Variants in GNAL observed in about 807,000 individuals in gnomAD.
GNAL encodes the protein G protein subunit alpha L, also known as guanine nucleotide-binding protein G(olf) subunit alpha.
GNAL carries 18 observed loss-of-function variants against 55.1 expected under a neutral mutation model. The observed-to-expected ratio is 0.33, with a 90% CI of 0.23 to 0.48. GNAL has a LOEUF of 0.48. GNAL is among the 20% of genes least tolerant of loss of function. The pLI is 0.99. For missense variants in GNAL, 412 were observed against 614.1 expected (o/e 0.67, Z 3.48); for synonymous variants, 253 against 237.0 (o/e 1.07, Z -0.62).
intron 1 of GNAL, chr18:11,746,934 C>T (rs962430764): frequency 2.1e-5 from 11 of 536,342 alleles, no homozygotes; most frequent in Admixed American, 1.4e-4. Flanking sequence ...GACATTACAA[C>T]AGTTTGCACT....
At chr18:11,771,387 C>A (rs775771930) in intron 4 of GNAL, among the ~76,000 whole-genome samples, 2 of 151,082 alleles carry the variant, frequency 1.3e-5, no homozygotes, top group South Asian at 2.1e-4. Context: ...TGAAATTAAT[C>A]ATTATCAGTT....
intron 10 of GNAL, among the ~76,000 whole-genome samples, chr18:11,875,451 T>C (rs1425300690): frequency 6.6e-6 from 1 of 152,220 alleles, no homozygotes; most frequent in Admixed American, 6.5e-5. Context: ...TGGGGCCTGG[T>C]GGGAGGTGAC....
chr18:11,793,849 G>T (rs1331095337), intron 4 of GNAL, among the ~76,000 whole-genome samples: 1 of 150,776 alleles, frequency 6.6e-6, no homozygotes, highest in Non-Finnish European at 1.5e-5. Flanking sequence ...GTCAGAGGTT[G>T]CAGTGAGCCG....
chr18:11,841,375 G>A (rs2143733562), intron 5 of GNAL, among the ~76,000 whole-genome samples: 3 of 152,202 alleles, frequency 2.0e-5, no homozygotes, highest in Non-Finnish European at 4.4e-5. Flanking sequence ...GCTAGGGCCG[G>A]GCACGGTGGC....
At chr18:11,701,535 C>T (rs572034026) in intron 1 of GNAL, among the ~76,000 whole-genome samples, 1 of 144,360 alleles carries the variant, frequency 6.9e-6, no homozygotes, top group East Asian at 2.0e-4. Flanking sequence ...CGTTCCACTC[C>T]AGCCTGGGTG....
chr18:11,884,997 G>T lies in GNAL; in HGVS notation c.*3862G>T. 3.8e-6 allele frequency: 5 copies of T among 1,302,120 alleles called. No homozygotes were observed. Among genetic ancestry groups the T allele is most frequent in the Non-Finnish European group, 5.0e-6 (5 of 997,912 alleles). 80.7% of individuals were successfully genotyped at this position (1,302,120 alleles called of 1,614,324 possible). ...TCATCGGTCAGCGAGGAACAAGGAG[G>T]GAAAGGTGTCTTCCTGCCCCTTGAT... On this transcript the variant is annotated 3_prime_UTR_variant, in exon 12 of 12. Coordinates refer to ENST00000334049, the MANE Select transcript of GNAL (RefSeq NM_182978.4).
chr18:11,840,605 T>A (rs1011584340), intron 5 of GNAL, among the ~76,000 whole-genome samples: 2 of 152,174 alleles, frequency 1.3e-5, no homozygotes, highest in African/African-American at 4.8e-5. Flanking sequence ...GAAAGCTCTT[T>A]ATCTAGGAGT....
intron 1 of GNAL, among the ~76,000 whole-genome samples, chr18:11,691,373 T>A (rs1286871660): frequency 6.6e-6 from 1 of 151,682 alleles, no homozygotes; most frequent in African/African-American, 2.4e-5. Flanking sequence ...CTTTGTCAGA[T>A]GAGTAGGTTG....
chr18:11,814,282 T>C (rs2034896630), intron 4 of GNAL, among the ~76,000 whole-genome samples: 1 of 152,152 alleles, frequency 6.6e-6, no homozygotes, highest in Non-Finnish European at 1.5e-5. Flanking sequence ...CCCAACACTT[T>C]GGGAGGCTGA....
intron 4 of GNAL, among the ~76,000 whole-genome samples, chr18:11,791,489 T>A (rs1171352830): frequency 1.3e-5 from 2 of 152,168 alleles, no homozygotes; most frequent in Non-Finnish European, 2.9e-5. Context: ...TTGAAATAAA[T>A]GAACTGATTT....
intron 5 of GNAL, among the ~76,000 whole-genome samples, chr18:11,830,957 G>A (rs78020224): frequency 0.024 from 3,648 of 152,248 alleles, 149 homozygotes; most frequent in African/African-American, 0.081. Context: ...TCAAGTAGTG[G>A]TTTCTAGGGA....
intron 1 of GNAL, among the ~76,000 whole-genome samples, chr18:11,729,982 G>T (rs2032298448): frequency 1.3e-5 from 2 of 152,074 alleles, no homozygotes; most frequent in African/African-American, 4.8e-5. Context: ...GGGTTTTAGG[G>T]ATTCTTTATT....
At chr18:11,757,755 A>G (rs1347077964) in intron 4 of GNAL, among the ~76,000 whole-genome samples, 4 of 152,152 alleles carry the variant, frequency 2.6e-5, no homozygotes, top group Admixed American at 6.5e-5. Context: ...CCAGGTGGAC[A>G]GCTGGATGCG....
At chr18:11,783,253 C>A (rs796209250) in intron 4 of GNAL, among the ~76,000 whole-genome samples, 7 of 152,226 alleles carry the variant, frequency 4.6e-5, no homozygotes, top group African/African-American at 1.7e-4. Flanking sequence ...CTTTTAGAGC[C>A]CAGCTCCCCT....
chr18:11,733,791 T>A (rs1281407256), intron 1 of GNAL, among the ~76,000 whole-genome samples: 1 of 151,208 alleles, frequency 6.6e-6, no homozygotes, highest in Non-Finnish European at 1.5e-5. Flanking sequence ...CTGGGTACAG[T>A]GTACGCTCTT....
At chr18:11,730,980 G>A (rs4625786) in intron 1 of GNAL, among the ~76,000 whole-genome samples, 53,534 of 152,030 alleles carry the variant, frequency 0.35, 11,977 homozygotes, top group African/African-American at 0.64. Context: ...GCATGGCCTT[G>A]GGTCCTGTTT....
intron 4 of GNAL, among the ~76,000 whole-genome samples, chr18:11,766,278 A>C (rs1598438883): frequency 6.6e-6 from 1 of 152,308 alleles, no homozygotes; most frequent in East Asian, 1.9e-4. Context: ...CTTTAAAATA[A>C]TCTCATACTT....
chr18:11,822,362 C>A (rs560867363), intron 4 of GNAL, among the ~76,000 whole-genome samples: 1 of 152,278 alleles, frequency 6.6e-6, no homozygotes, highest in South Asian at 2.1e-4. Context: ...CCCCGCTGCT[C>A]GGGAGCCTGA....
In GNAL at chr18:11,867,236, T is replaced by G; in HGVS notation, c.910+10T>G. The G allele has an allele frequency of 1.9e-6, 3 of 1,563,836 alleles. No individual in the cohort carries two copies. The highest frequency in any genetic ancestry group is 2.6e-6 in the Non-Finnish European group (3 of 1,134,412). On this transcript the variant is annotated intron_variant, in intron 8 of 11. Transcript: ENST00000334049. ...ATCCAGTGCTTTAACGGTGATTTTT[T>G]TATGCTCTCTCAAGAAAATAGGAGT...
Sources: allele counts gnomAD v4.1 joint callset (sites outside exome capture counted in the v4.1 genomes callset), GRCh38; gene constraint gnomAD v4.1.1; transcripts MANE v1.5; gene names NCBI Gene and HGNC (gene_info 2026-07-23, HGNC 2026-07-21).